The following MACF1 variants were observed in gnomAD, a reference collection of about 807,000 sequenced individuals.
MACF1 encodes the protein microtubule actin crosslinking factor 1, also known as microtubule-actin cross-linking factor 1.
Under a neutral mutation model 854.8 loss-of-function variants are expected in MACF1, and 193 were observed. That is an observed-to-expected ratio of 0.23 (90% confidence interval 0.20 to 0.25). The LOEUF (loss-of-function observed/expected upper bound fraction) is 0.25. Ranked by LOEUF, MACF1 falls within the 10% of genes least tolerant of loss-of-function variation. MACF1 has a pLI of 1.00. For synonymous variants in MACF1, 3,185 were observed against 3,226.7 expected (o/e 0.99, Z 0.44); for missense variants, 7,722 against 8,929.1 (o/e 0.86, Z 5.45).
intron 6 of MACF1, among the ~76,000 whole-genome samples, chr1:39,274,338 T>C (rs899570594): frequency 4.6e-5 from 7 of 152,228 alleles, no homozygotes; most frequent in African/African-American, 1.7e-4. Context: ...ATAATACATA[T>C]ACAGTTGGCT....
intron 1 of MACF1, among the ~76,000 whole-genome samples, chr1:39,221,356 T>C (rs1644649510): frequency 6.6e-6 from 1 of 152,206 alleles, no homozygotes; most frequent in African/African-American, 2.4e-5. Context: ...GGAAGATTTG[T>C]CGAAATAGGC....
At chr1:39,096,370 A>G (rs539291376) in intron 2 of MACF1, among the ~76,000 whole-genome samples, 257 of 151,446 alleles carry the variant, frequency 1.7e-3, no homozygotes, top group Non-Finnish European at 2.7e-3. Flanking sequence ...ATGAGCCAGG[A>G]ACTGTGAACG....
intron 5 of MACF1, among the ~76,000 whole-genome samples, chr1:39,256,581 T>C (rs957292411): frequency 6.6e-6 from 1 of 151,884 alleles, no homozygotes; most frequent in African/African-American, 2.4e-5. Flanking sequence ...GAGGGTATGA[T>C]TGAGGAGGCT....
chr1:39,484,900 C>T (rs1557679093), intron 100 of MACF1, 170 bp downstream of exon 100: 8 of 726,496 alleles, frequency 1.1e-5, no homozygotes, highest in Non-Finnish European at 4.7e-6. Context: ...TCTGTCATTA[C>T]AGCTAGCTTT....
chr1:39,175,150 A>C (rs1644007177), intron 2 of MACF1, among the ~76,000 whole-genome samples: 1 of 152,082 alleles, frequency 6.6e-6, no homozygotes, highest in African/African-American at 2.4e-5. Flanking sequence ...CTCTCTTGCA[A>C]AGTAAAATCT....
intron 37 of MACF1, 91 bp downstream of exon 37, chr1:39,336,744 A>G: frequency 1.7e-6 from 2 of 1,165,430 alleles, no homozygotes; most frequent in Non-Finnish European, 2.4e-6. Flanking sequence ...ACATATGTGT[A>G]ATTGTATGCC....
intron 2 of MACF1, among the ~76,000 whole-genome samples, chr1:39,097,216 AG>A (rs997556982): frequency 3.3e-5 from 5 of 152,070 alleles, no homozygotes; most frequent in Non-Finnish European, 5.9e-5. Flanking sequence ...TTCAGGCTCC[AG>A]GGGCAGTGTG....
chr1:39,126,220 G>A (rs1642856772), intron 2 of MACF1, among the ~76,000 whole-genome samples: 1 of 152,202 alleles, frequency 6.6e-6, no homozygotes, highest in South Asian at 2.1e-4. Flanking sequence ...TGAAGGCTGT[G>A]AGGGAGAACC....
intron 58 of MACF1, among the ~76,000 whole-genome samples, chr1:39,398,748 A>C (rs1165453598): frequency 6.6e-6 from 1 of 152,190 alleles, no homozygotes; most frequent in African/African-American, 2.4e-5. Flanking sequence ...TTGGGGAACT[A>C]ATCTGAGTCA....
rs200187833 is a variant in MACF1 at position 39,385,605 on chromosome 1, C to T, written c.14020C>T (p.Arg4674Cys). 1.2e-6 allele frequency: 2 copies of T among 1,614,102 alleles called. No individual in the cohort carries two copies. The highest frequency in any genetic ancestry group is 1.7e-5 in the Admixed American group (1 of 60,006). Reference sequence around the variant, plus strand: ...TGAGCTGACTGACAAACTCAACTCCCGTTCCAGCCAAATTGACCAAGCTAT... The same window carrying T: ...TGAGCTGACTGACAAACTCAACTCCTGTTCCAGCCAAATTGACCAAGCTAT... ...WVELTDKLNS[R>C]SSQIDQAIVK... The change falls in exon 57 of 101, where the codon CGT becomes TGT. Residue 4674 changes from arginine (R) to cysteine (C), a missense_variant. Physicochemically the swap from Arg to Cys is radical, Grantham distance 180. Coordinates refer to ENST00000564288, the MANE Select transcript of MACF1 (RefSeq NM_001394062.1).
intron 23 of MACF1, among the ~76,000 whole-genome samples, chr1:39,303,618 G>A (rs889170037): frequency 2.6e-5 from 4 of 151,266 alleles, no homozygotes; most frequent in Non-Finnish European, 2.9e-5. Context: ...TTGGGAGGCC[G>A]AGGGAGGCGG....
chr1:39,125,290 A>G (rs1642828585), intron 2 of MACF1, among the ~76,000 whole-genome samples: 1 of 152,218 alleles, frequency 6.6e-6, no homozygotes. Flanking sequence ...TGTCATTAAG[A>G]ACAAGGGGTT....
chr1:39,430,867 A>T lies in MACF1; in HGVS notation c.17296A>T (p.Arg5766Trp). 6.2e-7 allele frequency: 1 copy of T among 1,612,588 alleles called. No individual in the cohort carries two copies. The highest frequency in any genetic ancestry group is 8.5e-7 in the Non-Finnish European group (1 of 1,179,998). ...YKLVSDTIGQ[R>W]VDEIDAAIQR... ...ACTAGTCAGTGACACTATTGGACAA[A>T]GGGTGGATGAAATTGATGCTGCTAT... The change falls in exon 66 of 101, where the codon AGG becomes TGG. Residue 5766 changes from arginine (R) to tryptophan (W), a missense_variant. Coordinates refer to ENST00000564288, the MANE Select transcript of MACF1 (RefSeq NM_001394062.1).
intron 2 of MACF1, among the ~76,000 whole-genome samples, chr1:39,170,003 G>A (rs1370321285): frequency 2.0e-5 from 3 of 149,758 alleles, no homozygotes; most frequent in Non-Finnish European, 4.4e-5. Context: ...GGATGTTCTC[G>A]ATCTCCTGAC....
intron 26 of MACF1, among the ~76,000 whole-genome samples, chr1:39,312,270 C>G (rs1042489405): frequency 8.5e-5 from 13 of 152,112 alleles, no homozygotes; most frequent in Non-Finnish European, 1.9e-4. Flanking sequence ...CTTTTTAAAA[C>G]TTTATTTTAA....
At chr1:39,359,542 A>G (rs554206166) in intron 47 of MACF1, among the ~76,000 whole-genome samples, 1 of 152,298 alleles carries the variant, frequency 6.6e-6, no homozygotes, top group African/African-American at 2.4e-5. Flanking sequence ...AACCACTTAC[A>G]TTGTATTACC....
At position 39,385,503 on chromosome 1, in the gene MACF1, C is replaced by T; in HGVS notation, c.13918C>T (p.Leu4640=). 1 of 1,614,090 alleles carries T rather than the reference C, an allele frequency of 6.2e-7. No homozygotes were observed. The highest frequency in any genetic ancestry group is 8.5e-7 in the Non-Finnish European group (1 of 1,179,972). Residue 4640 remains leucine, a synonymous_variant, in exon 57 of 101, where the codon CTA becomes TTA. Coordinates refer to ENST00000564288, the MANE Select transcript of MACF1 (RefSeq NM_001394062.1). Reference sequence around the variant, plus strand: ...ACTGAATGAGGCAGCTCAGGGCATCCTAACAGGCCCTGGAGATGTCTCTCT... The same window carrying T: ...ACTGAATGAGGCAGCTCAGGGCATCTTAACAGGCCCTGGAGATGTCTCTCT... ...EQLNEAAQGI[L]TGPGDVSLST... is the part of the protein sequence containing the mutation.
rs571654493 is a variant in MACF1 at position 39,204,773 on chromosome 1, G to A, written c.-250G>A. The A allele has an allele frequency of 8.2e-4, 335 of 409,828 alleles. No individual in the cohort carries two copies. The highest frequency in any genetic ancestry group is 1.0e-3 in the Non-Finnish European group (237 of 226,890). The allele number at this position is 409,828 out of a possible 1,614,324, so 25.4% of individuals were successfully genotyped here. ...TTCCTTCTTCCCTTTCCCCTCCCCC[G>A]CTGGCCAGTTGTTTCCTGGGCTTTG... is the stretch of plus-strand genomic sequence containing the variant. On this transcript the variant is annotated 5_prime_UTR_variant, in exon 1 of 101. Transcript: ENST00000564288.
intron 97 of MACF1, among the ~76,000 whole-genome samples, chr1:39,471,735 A>G (rs963933186): frequency 2.6e-5 from 4 of 152,222 alleles, no homozygotes; most frequent in African/African-American, 9.6e-5. Context: ...GTTTTTGATC[A>G]TTAGACATAT....
Sources: gnomAD v4.1 joint callset for allele counts (sites outside exome capture counted in the v4.1 genomes callset) on GRCh38, gnomAD v4.1.1 for gene constraint, MANE v1.5 for transcripts, NCBI Gene and HGNC (gene_info 2026-07-23, HGNC 2026-07-21) for gene names.